The following MBP variants were observed in gnomAD, a reference collection of about 807,000 sequenced individuals.
The protein encoded by MBP is myelin basic protein, also known as Golli-MBP.
A neutral mutation model predicts 35.8 loss-of-function variants in MBP; 16 were observed. The ratio of observed to expected loss-of-function variants is 0.45; its 90% CI spans 0.30 to 0.68. MBP has a LOEUF of 0.68. Among genes scored for constraint, MBP ranks in the 30% least tolerant of loss-of-function variants. The pLI is 0.08. For missense variants in MBP, 380 were observed against 404.7 expected (o/e 0.94, Z 0.52); for synonymous variants, 143 against 159.6 (o/e 0.90, Z 0.78).
chr18:77,068,158 A>G (rs2144818134), intron 2 of MBP, among the ~76,000 whole-genome samples: 2 of 152,310 alleles, frequency 1.3e-5, no homozygotes, highest in Middle Eastern at 3.4e-3. Flanking sequence ...TGGTGTGATT[A>G]ACAGATAAAA....
chr18:77,023,599 G>A (rs1414627544), intron 3 of MBP, among the ~76,000 whole-genome samples: 1 of 152,102 alleles, frequency 6.6e-6, no homozygotes, highest in South Asian at 2.1e-4. Context: ...GCGCCTGCAC[G>A]GACTCCTCAT....
intron 7 of MBP, 188 bp from the exon 8 acceptor site, chr18:76,985,082 C>T: frequency 6.6e-7 from 1 of 1,511,950 alleles, no homozygotes; most frequent in Non-Finnish European, 8.9e-7. Flanking sequence ...TCCCCCAGGT[C>T]TACCAGGGTG....
intron 3 of MBP, among the ~76,000 whole-genome samples, chr18:77,024,647 G>C (rs541339126): frequency 6.6e-6 from 1 of 152,328 alleles, no homozygotes; most frequent in South Asian, 2.1e-4. Flanking sequence ...GCATGTGGGC[G>C]ACGGAGAATC....
chr18:77,076,161 G>A (rs149015433), intron 2 of MBP, among the ~76,000 whole-genome samples: 3 of 152,346 alleles, frequency 2.0e-5, no homozygotes, highest in African/African-American at 7.2e-5. Context: ...GGGCTGCTGG[G>A]TTTGGACACT....
At chr18:77,032,196 T>C (rs1972566790) in intron 3 of MBP, among the ~76,000 whole-genome samples, 1 of 152,206 alleles carries the variant, frequency 6.6e-6, no homozygotes, top group Non-Finnish European at 1.5e-5. Context: ...AGGACGCTCC[T>C]TGTTTGTGGA....
chr18:77,086,224 G>A (rs1975229300), intron 2 of MBP, among the ~76,000 whole-genome samples: 1 of 152,188 alleles, frequency 6.6e-6, no homozygotes, highest in Non-Finnish European at 1.5e-5. Context: ...AGAGCTGGAG[G>A]AACCCAGACC....
chr18:77,093,879 C>G (rs1410515086), intron 2 of MBP, among the ~76,000 whole-genome samples: 1 of 152,222 alleles, frequency 6.6e-6, no homozygotes, highest in Non-Finnish European at 1.5e-5. Context: ...CAGTACCATG[C>G]CTTACGCTCA....
At chr18:76,980,514 G>C in intron 8 of MBP, 43 bp from the exon 9 acceptor site, 3 of 1,497,838 alleles carry the variant, frequency 2.0e-6, no homozygotes, top group Middle Eastern at 2.0e-4. Context: ...GTGCCGCAGG[G>C]TCCTCCCACA....
chr18:77,066,559 G>A (rs7241461), intron 2 of MBP, 174 bp from the exon 3 acceptor site: 2 of 761,914 alleles, frequency 2.6e-6, no homozygotes, highest in East Asian at 2.4e-5. Context: ...CGCAGGATTC[G>A]GAATTCTGGC....
chr18:77,086,847 A>G (rs78895896), intron 2 of MBP, among the ~76,000 whole-genome samples: 1 of 152,220 alleles, frequency 6.6e-6, no homozygotes, highest in Admixed American at 6.5e-5. Flanking sequence ...ACAGGAAAAG[A>G]GTGTCTTAAG....
At chr18:77,012,678 C>T in intron 4 of MBP, 1 of 563,052 alleles carries the variant, frequency 1.8e-6, no homozygotes, top group Middle Eastern at 9.3e-4. Context: ...CACTTACCTG[C>T]CAGCTGTGTC....
intron 4 of MBP, among the ~76,000 whole-genome samples, chr18:77,007,789 G>A (rs1481523343): frequency 6.6e-6 from 1 of 152,206 alleles, no homozygotes; most frequent in Non-Finnish European, 1.5e-5. Flanking sequence ...GTCCTGGAGT[G>A]TGAGCCTCAG....
At chr18:77,100,270 G>T (rs1975945282) in intron 2 of MBP, among the ~76,000 whole-genome samples, 1 of 152,218 alleles carries the variant, frequency 6.6e-6, no homozygotes, top group Admixed American at 6.5e-5. Flanking sequence ...GAGAGAAGAT[G>T]CTTTCTACAA....
intron 1 of MBP, among the ~76,000 whole-genome samples, chr18:77,123,461 A>C (rs576957993): frequency 3.3e-5 from 5 of 152,362 alleles, no homozygotes; most frequent in Admixed American, 6.5e-5. Flanking sequence ...CACACATTTG[A>C]GAGCTTGTGT....
Position 77,131,010 on chromosome 18 carries a change from T to G in MBP, c.-26+1570A>C, listed in dbSNP as rs1299328820. Among the ~76,000 whole-genome samples, 4 of 139,294 alleles carry G rather than the reference T, an allele frequency of 2.9e-5. No individual in the cohort carries two copies. Among genetic ancestry groups the G allele is most frequent in the Non-Finnish European group, 4.6e-5 (3 of 65,000 alleles). 91.4% of individuals were successfully genotyped at this position (139,294 alleles called of 152,430 possible). On this transcript the variant is annotated intron_variant, in intron 1 of 8. Transcript: ENST00000355994. This position sits in a 1 kb window ranked among gnomAD's most constrained non-coding sequence, Gnocchi z 5.5. The stretch of plus-strand genomic sequence containing the variant: ...TTTAACTGTGTTCTTTTCCCTCAGA[T>G]TTCTGTTTTTCCCACAAAAAAAAAA...
chr18:77,028,593 G>T (rs1484253463), intron 3 of MBP, among the ~76,000 whole-genome samples: 1 of 70,326 alleles, frequency 1.4e-5, no homozygotes, highest in Non-Finnish European at 3.4e-5. Flanking sequence ...CTCACCTCCC[G>T]GACGGGGCGG....
intron 1 of MBP, among the ~76,000 whole-genome samples, chr18:77,106,464 C>T (rs1011585258): frequency 3.9e-5 from 6 of 152,138 alleles, no homozygotes; most frequent in African/African-American, 1.4e-4. Flanking sequence ...ACAGTCGCCA[C>T]TCCCGGAGTC....
intron 2 of MBP, among the ~76,000 whole-genome samples, chr18:77,096,527 A>G (rs1413943356): frequency 1.3e-5 from 2 of 152,240 alleles, no homozygotes; most frequent in Non-Finnish European, 2.9e-5. Context: ...CCACTGTAAA[A>G]TTTACATATG....
At position 77,020,711 on chromosome 18, in the gene MBP, G is replaced by A. The variant is rs575456143; in HGVS notation, c.140-3443C>T. On this transcript the variant is annotated intron_variant, in intron 3 of 8. Coordinates refer to ENST00000355994, the MANE Select transcript of MBP (RefSeq NM_001025101.2). The surrounding 1 kb of genome is among the most constrained non-coding windows in gnomAD (Gnocchi z 4.1). ...AGATTCCAGCCTTCAGAGGAAAGGC[G>A]CTGTTCTGCACAGACCATGTGGTGC... 2.5e-4 allele frequency among the ~76,000 whole-genome samples: 38 copies of A among 152,320 alleles called. No homozygotes were observed. Among genetic ancestry groups the A allele is most frequent in the African/African-American group, 8.4e-4 (35 of 41,572 alleles).
Sources: gnomAD v4.1 joint callset for allele counts (sites outside exome capture counted in the v4.1 genomes callset) on GRCh38, gnomAD v4.1.1 for gene constraint, Gnocchi (gnomAD v3.1) non-coding constraint, MANE v1.5 for transcripts, NCBI Gene and HGNC (gene_info 2026-07-23, HGNC 2026-07-21) for gene names.